Variants in CDH12 observed in about 807,000 individuals in gnomAD.
CDH12 encodes cadherin-12.
Under a neutral mutation model 74.1 loss-of-function variants are expected in CDH12, and 41 were observed. The observed-to-expected ratio is 0.55, with a 90% CI of 0.43 to 0.72. CDH12 has a LOEUF of 0.72. Ranked by LOEUF, CDH12 falls within the 30% of genes least tolerant of loss-of-function variation. The pLI is 0.00. For synonymous variants in CDH12, 399 were observed against 355.0 expected (o/e 1.12, Z -1.39); for missense variants, 945 against 977.2 (o/e 0.97, Z 0.44).
Position 22,825,787 on chromosome 5 carries a change from G to A in CDH12, c.-523+27271C>T, listed in dbSNP as rs115967329. 6.0e-3 allele frequency among the ~76,000 whole-genome samples: 918 copies of A among 152,218 alleles called. 12 individuals are homozygous for A. Among genetic ancestry groups the A allele is most frequent in the African/African-American group, 0.021 (866 of 41,540 alleles). ...GTGATATGACCCAACTCTCCTATTG[G>A]GAAGATCAAACTAGGAGTTGTGTTA... On this transcript the variant is annotated intron_variant, in intron 1 of 14. Coordinates refer to ENST00000382254, the MANE Select transcript of CDH12 (RefSeq NM_004061.5).
chr5:22,281,461 T>C (rs1736879668), intron 3 of CDH12, among the ~76,000 whole-genome samples: 1 of 152,176 alleles, frequency 6.6e-6, no homozygotes, highest in South Asian at 2.1e-4. Context: ...GACATGGTTT[T>C]ATGCTTAGAA....
chr5:22,373,904 T>C (rs1741405530), intron 3 of CDH12, among the ~76,000 whole-genome samples: 1 of 152,164 alleles, frequency 6.6e-6, no homozygotes. Flanking sequence ...ATATGACATC[T>C]CTTCAGGAAC....
At chr5:22,742,155 C>T (rs994679503) in intron 1 of CDH12, among the ~76,000 whole-genome samples, 18 of 150,614 alleles carry the variant, frequency 1.2e-4, no homozygotes, top group African/African-American at 3.2e-4. Flanking sequence ...GTACTCCAGC[C>T]TGGGTGACAG....
intron 1 of CDH12, among the ~76,000 whole-genome samples, chr5:22,780,626 A>G (rs1747340614): frequency 6.6e-6 from 1 of 152,082 alleles, no homozygotes. Flanking sequence ...CCATGATTCA[A>G]TTACCTCCCA....
At chr5:22,136,822 G>C (rs1746493547) in intron 4 of CDH12, among the ~76,000 whole-genome samples, 1 of 151,422 alleles carries the variant, frequency 6.6e-6, no homozygotes, top group South Asian at 2.1e-4. Context: ...AAACAAAAGT[G>C]GGAAGAAATC....
rs369455726 is a variant in CDH12, at chr5:22,334,526, A to G, written c.-333+70731T>C. 8.5e-5 allele frequency among the ~76,000 whole-genome samples: 13 copies of G among 152,302 alleles called. No homozygotes were observed. The East Asian group carries it at 2.5e-3, about 29-fold the overall frequency. On this transcript the variant is annotated intron_variant, in intron 3 of 14. Coordinates refer to ENST00000382254, the MANE Select transcript of CDH12 (RefSeq NM_004061.5). ...ACAATCCTAAAACTTATAGGGAAAT[A>G]CAAAAGACCCAGAGTAACCAAAGCA...
chr5:21,774,947 T>C lies in CDH12; in HGVS notation c.1393+8411A>G, dbSNP rs987488523. Among the ~76,000 whole-genome samples, 8 of 152,182 alleles carry C rather than the reference T, an allele frequency of 5.3e-5. No individual in the cohort carries two copies. In the East Asian group the frequency reaches 1.5e-3, roughly 29 times the overall value. ...CAGTGGGTCCCAAATCAGTGTTCCT[T>C]GGAGTTACTCAGGGAGCTTGTTTGA... is the stretch of plus-strand genomic sequence containing the variant. On this transcript the variant is annotated intron_variant, in intron 11 of 14. Coordinates refer to ENST00000382254, the MANE Select transcript of CDH12 (RefSeq NM_004061.5).
intron 3 of CDH12, among the ~76,000 whole-genome samples, chr5:22,259,381 C>T (rs1480794049): frequency 1.3e-5 from 2 of 151,880 alleles, no homozygotes; most frequent in African/African-American, 4.8e-5. Context: ...GTATGCAGTA[C>T]GCTAGGCCTA....
intron 5 of CDH12, among the ~76,000 whole-genome samples, chr5:22,056,964 A>G (rs950165371): frequency 1.3e-4 from 20 of 152,138 alleles, no homozygotes; most frequent in Non-Finnish European, 1.2e-4. Flanking sequence ...AGAACTTTGA[A>G]TCTTTCAGAC....
chr5:22,636,176 G>T (rs756650456), intron 1 of CDH12, among the ~76,000 whole-genome samples: 1 of 151,942 alleles, frequency 6.6e-6, no homozygotes, highest in Non-Finnish European at 1.5e-5. Flanking sequence ...AATTCAAAAA[G>T]AAAAATAATA....
chr5:22,801,116 C>T (rs534512361), intron 1 of CDH12, among the ~76,000 whole-genome samples: 15 of 152,200 alleles, frequency 9.9e-5, no homozygotes, highest in African/African-American at 2.2e-4. Context: ...AAGGAACTAC[C>T]GCATTGTCTT....
chr5:21,760,198 G>A (rs546701341), intron 13 of CDH12, among the ~76,000 whole-genome samples: 18 of 151,930 alleles, frequency 1.2e-4, no homozygotes, highest in Non-Finnish European at 1.8e-4. Context: ...TGTGCTGTAC[G>A]GTGTGTTATT....
rs1269205397 is a variant in CDH12, at chr5:21,880,623, CTT to C, written c.527-25835_527-25834del. On this transcript the variant is annotated intron_variant, in intron 6 of 14. Transcript: ENST00000382254. ...TCCTTCCTTCCTTCCTTCCTTCTTT[CTT>C]TCTTTCTTTCTTTCTTTCTTTCTTT... Among the ~76,000 whole-genome samples, 3 of 58,824 alleles carry C rather than the reference CTT, an allele frequency of 5.1e-5. 1 individual carries two copies. Among genetic ancestry groups the C allele is most frequent in the Admixed American group, 1.9e-4 (1 of 5,202 alleles). The allele number at this position is 58,824 out of a possible 152,430, so 38.6% of individuals were successfully genotyped here.
chr5:21,975,599 C>T (rs192514727), intron 5 of CDH12, among the ~76,000 whole-genome samples: 9 of 152,254 alleles, frequency 5.9e-5, no homozygotes, highest in African/African-American at 1.2e-4. Flanking sequence ...GAAAACTGTG[C>T]GATGAACGCA....
intron 1 of CDH12, among the ~76,000 whole-genome samples, chr5:22,555,396 C>A (rs1407704186): frequency 6.6e-6 from 1 of 151,852 alleles, no homozygotes; most frequent in Non-Finnish European, 1.5e-5. Flanking sequence ...ACCAACCATG[C>A]AATAAAAGCA....
intron 1 of CDH12, among the ~76,000 whole-genome samples, chr5:22,821,851 T>C (rs753081637): frequency 2.6e-4 from 40 of 151,398 alleles, no homozygotes; most frequent in Non-Finnish European, 5.0e-4. Flanking sequence ...AAGCTACCAA[T>C]GACTTTCTTC....
At chr5:22,253,953 A>C (rs1290658020) in intron 3 of CDH12, among the ~76,000 whole-genome samples, 3 of 151,968 alleles carry the variant, frequency 2.0e-5, no homozygotes, top group Admixed American at 1.3e-4. Flanking sequence ...CAGATATTTC[A>C]GTGTCTTTCA....
At chr5:21,878,062 G>T (rs528521221) in intron 6 of CDH12, among the ~76,000 whole-genome samples, 47 of 152,292 alleles carry the variant, frequency 3.1e-4, no homozygotes, top group African/African-American at 9.6e-4. Context: ...GATAAGTAAT[G>T]ATAGAAATAG....
intron 5 of CDH12, among the ~76,000 whole-genome samples, chr5:22,039,472 C>A (rs958631459): frequency 6.6e-6 from 1 of 152,028 alleles, no homozygotes; most frequent in African/African-American, 2.4e-5. Context: ...AGACTAAGAC[C>A]CTGGCTCCAC....
Sources: allele counts gnomAD v4.1 joint callset (sites outside exome capture counted in the v4.1 genomes callset), GRCh38; gene constraint gnomAD v4.1.1; transcripts MANE v1.5; gene names NCBI Gene and HGNC (gene_info 2026-07-23, HGNC 2026-07-21).